Variants in FBXL17 observed in about 807,000 individuals in gnomAD.
FBXL17 encodes F-box/LRR-repeat protein 17.
In FBXL17, 22 loss-of-function variants were observed where a neutral mutation model predicts 66.2. The ratio of observed to expected loss-of-function variants is 0.33; its 90% CI spans 0.24 to 0.47. The LOEUF (loss-of-function observed/expected upper bound fraction) is 0.47. Ranked by LOEUF, FBXL17 falls within the 20% of genes least tolerant of loss-of-function variation. FBXL17 has a pLI of 1.00. For synonymous variants in FBXL17, 474 were observed against 400.5 expected, an observed-to-expected ratio of 1.18 and a Z score of -2.19; for missense variants, 878 against 948.2, an observed-to-expected ratio of 0.93 and a Z score of 0.97.
At chr5:107,973,973 G>T (rs758310226) in intron 7 of FBXL17, among the ~76,000 whole-genome samples, 1 of 151,994 alleles carries the variant, frequency 6.6e-6, no homozygotes, top group Non-Finnish European at 1.5e-5. Flanking sequence ...AATTCCATCC[G>T]TTGCTTTCCT....
chr5:108,320,963 G>A (rs1224209793), intron 4 of FBXL17, among the ~76,000 whole-genome samples: 1 of 151,764 alleles, frequency 6.6e-6, no homozygotes, highest in Admixed American at 6.6e-5. Context: ...CCAAATATCC[G>A]AAGTTAAATA....
intron 8 of FBXL17, chr5:107,879,765 CAT>C (rs1748725252): frequency 2.0e-6 from 2 of 985,278 alleles, no homozygotes; most frequent in South Asian, 4.7e-5. Context: ...AAGTAGCACA[CAT>C]GTGTAAATTA....
intron 7 of FBXL17, among the ~76,000 whole-genome samples, chr5:107,991,735 T>C (rs984519034): frequency 6.6e-6 from 1 of 152,194 alleles, no homozygotes; most frequent in Admixed American, 6.5e-5. Context: ...TGCTATTTTA[T>C]CTCTATCTTT....
At chr5:108,254,027 T>G (rs891270002) in intron 4 of FBXL17, among the ~76,000 whole-genome samples, 2 of 152,134 alleles carry the variant, frequency 1.3e-5, no homozygotes, top group African/African-American at 4.8e-5. Flanking sequence ...AAGTTATACC[T>G]TAATAGATGT....
At chr5:107,971,900 T>C (rs1052491359) in intron 7 of FBXL17, among the ~76,000 whole-genome samples, 1 of 152,196 alleles carries the variant, frequency 6.6e-6, no homozygotes, top group African/African-American at 2.4e-5. Flanking sequence ...CTGTATCCCA[T>C]GTGTTTCTAA....
At chr5:108,138,879 G>C (rs1030375231) in intron 6 of FBXL17, among the ~76,000 whole-genome samples, 7 of 152,052 alleles carry the variant, frequency 4.6e-5, no homozygotes, top group African/African-American at 1.7e-4. Flanking sequence ...ATCTAAGAGG[G>C]AAAATAAAAG....
At chr5:108,309,327 A>C (rs1217335707) in intron 4 of FBXL17, among the ~76,000 whole-genome samples, 1 of 151,968 alleles carries the variant, frequency 6.6e-6, no homozygotes, top group Non-Finnish European at 1.5e-5. Context: ...AAATTGACCA[A>C]ATTATTAACA....
intron 4 of FBXL17, among the ~76,000 whole-genome samples, chr5:108,345,123 A>T: frequency 6.6e-6 from 1 of 152,106 alleles, no homozygotes; most frequent in Non-Finnish European, 1.5e-5. Context: ...TCATGAGGTC[A>T]GGAGTTCGAG....
intron 6 of FBXL17, among the ~76,000 whole-genome samples, chr5:108,098,702 G>A (rs1004726960): frequency 6.9e-6 from 1 of 145,682 alleles, no homozygotes; most frequent in Non-Finnish European, 1.5e-5. Context: ...CCAAGATCGT[G>A]CTGCTGCACT....
At chr5:108,061,095 T>A (rs1393600910) in intron 6 of FBXL17, among the ~76,000 whole-genome samples, 1 of 152,044 alleles carries the variant, frequency 6.6e-6, no homozygotes, top group African/African-American at 2.4e-5. Flanking sequence ...AAGGCCAGCC[T>A]GATCAACATG....
At chr5:108,306,417 A>C (rs1758843674) in intron 4 of FBXL17, among the ~76,000 whole-genome samples, 1 of 152,108 alleles carries the variant, frequency 6.6e-6, no homozygotes, top group Non-Finnish European at 1.5e-5. Flanking sequence ...AAGAATATGA[A>C]TTTTGATGCC....
chr5:107,875,950 G>A (rs1039497712), intron 8 of FBXL17, among the ~76,000 whole-genome samples: 4 of 152,184 alleles, frequency 2.6e-5, no homozygotes, highest in Non-Finnish European at 4.4e-5. Context: ...TTTTCTGGGC[G>A]GGCTCTTCAC....
At chr5:107,917,355 C>A (rs887867068) in intron 7 of FBXL17, among the ~76,000 whole-genome samples, 18 of 152,062 alleles carry the variant, frequency 1.2e-4, no homozygotes, top group African/African-American at 4.3e-4. Flanking sequence ...ATATCAAAAG[C>A]TTTACAAAGC....
At chr5:108,010,154 A>G (rs1161538241) in intron 7 of FBXL17, among the ~76,000 whole-genome samples, 1 of 152,222 alleles carries the variant, frequency 6.6e-6, no homozygotes, top group African/African-American at 2.4e-5. Flanking sequence ...CTGCAGGACA[A>G]AGAAGTTTGA....
chr5:108,363,676 A>G (rs1391154695), intron 3 of FBXL17, among the ~76,000 whole-genome samples: 1 of 151,954 alleles, frequency 6.6e-6, no homozygotes, highest in East Asian at 1.9e-4. Context: ...CTACGATCTT[A>G]TTCTTTTTCA....
At chr5:108,307,344 A>T (rs1420882249) in intron 4 of FBXL17, among the ~76,000 whole-genome samples, 5 of 151,928 alleles carry the variant, frequency 3.3e-5, no homozygotes, top group African/African-American at 1.2e-4. Context: ...TCACTCCGTC[A>T]CCCAGGCTGG....
chr5:108,313,633 T>G (rs1759225687), intron 4 of FBXL17, among the ~76,000 whole-genome samples: 1 of 152,032 alleles, frequency 6.6e-6, no homozygotes, highest in African/African-American at 2.4e-5. Flanking sequence ...TTTCTTTCAA[T>G]TATTTACATT....
chr5:108,308,588 T>C (rs533750931), intron 4 of FBXL17, among the ~76,000 whole-genome samples: 45 of 152,234 alleles, frequency 3.0e-4, no homozygotes, highest in African/African-American at 9.1e-4. Flanking sequence ...ACCTCCGTCA[T>C]AGATTTTGAA....
intron 8 of FBXL17, chr5:107,880,508 G>A (rs1549924): frequency 0.087 from 87,062 of 998,998 alleles, 4,392 homozygotes; most frequent in South Asian, 0.2. Context: ...TCATGTGCTG[G>A]GAGTGGCATC....
Sources: allele counts gnomAD v4.1 joint callset (sites outside exome capture counted in the v4.1 genomes callset), GRCh38; gene constraint gnomAD v4.1.1; transcripts MANE v1.5; gene names NCBI Gene and HGNC (gene_info 2026-07-23, HGNC 2026-07-21).